The following SSH2 variants were observed in gnomAD, a reference collection of about 807,000 sequenced individuals.
The protein encoded by SSH2 is slingshot protein phosphatase 2.
In SSH2, 37 loss-of-function variants were observed where a neutral mutation model predicts 135.2. The ratio of observed to expected loss-of-function variants is 0.27; its 90% CI spans 0.21 to 0.36. The LOEUF (loss-of-function observed/expected upper bound fraction) is 0.36. Among genes scored for constraint, SSH2 ranks in the 10% least tolerant of loss-of-function variants. The pLI, the probability that SSH2 is intolerant of heterozygous loss-of-function variation, is 1.00. For missense variants in SSH2, 1,408 were observed against 1,765.3 expected (o/e 0.80, Z 3.63); for synonymous variants, 628 against 646.2 (o/e 0.97, Z 0.43).
At chr17:29,911,085 T>C (rs573182654) in intron 1 of SSH2, among the ~76,000 whole-genome samples, 27 of 152,330 alleles carry the variant, frequency 1.8e-4, no homozygotes, top group Admixed American at 8.5e-4. Flanking sequence ...AAATATCACA[T>C]GCTACACCTA....
intron 3 of SSH2, among the ~76,000 whole-genome samples, chr17:29,719,699 A>T (rs1465919854): frequency 2.0e-5 from 3 of 152,172 alleles, no homozygotes; most frequent in East Asian, 3.8e-4. Context: ...AACTTGCTTA[A>T]ACTTACCAAT....
At chr17:29,844,858 C>CCCTCCAGCCAAATTGG (rs1228325988) in intron 2 of SSH2, among the ~76,000 whole-genome samples, 1 of 152,190 alleles carries the variant, frequency 6.6e-6, no homozygotes, top group Non-Finnish European at 1.5e-5. Context: ...AGGCAGCCAG[C>CCCTCCAGCCAAATTGG]CCTCCAGCCA....
At chr17:29,773,056 TCCATCATCCAC>T (rs1266297805) in intron 3 of SSH2, among the ~76,000 whole-genome samples, 3 of 147,592 alleles carry the variant, frequency 2.0e-5, no homozygotes, top group African/African-American at 7.7e-5. Context: ...CATCCATCCA[TCCATCATCCAC>T]CCATCCATCC....
chr17:29,912,438 G>A (rs1396870382), intron 1 of SSH2, among the ~76,000 whole-genome samples: 1 of 152,132 alleles, frequency 6.6e-6, no homozygotes, highest in South Asian at 2.1e-4. Context: ...AAAAATCAGA[G>A]GATTTCAGAC....
At chr17:29,806,349 C>A (rs2042345153) in intron 2 of SSH2, among the ~76,000 whole-genome samples, 1 of 152,184 alleles carries the variant, frequency 6.6e-6, no homozygotes, top group Non-Finnish European at 1.5e-5. Flanking sequence ...GAGTACACAG[C>A]CAAGTCAGGA....
intron 1 of SSH2, among the ~76,000 whole-genome samples, chr17:29,899,813 C>G (rs1168348026): frequency 6.6e-6 from 1 of 152,108 alleles, no homozygotes; most frequent in African/African-American, 2.4e-5. Context: ...AAAAAGAGCC[C>G]ACATTGCCAA....
chr17:29,771,663 A>G (rs2041588414), intron 3 of SSH2, among the ~76,000 whole-genome samples: 1 of 152,178 alleles, frequency 6.6e-6, no homozygotes, highest in Admixed American at 6.5e-5. Flanking sequence ...GTAAGTAGGT[A>G]AGGGTTTTAT....
chr17:29,907,975 A>C (rs2066688508), intron 1 of SSH2, among the ~76,000 whole-genome samples: 1 of 151,820 alleles, frequency 6.6e-6, no homozygotes, highest in Non-Finnish European at 1.5e-5. Context: ...CATGTGCCAC[A>C]ACCCTGGCTG....
intron 3 of SSH2, among the ~76,000 whole-genome samples, chr17:29,715,803 C>T (rs1820154720): frequency 6.6e-6 from 1 of 152,068 alleles, no homozygotes; most frequent in African/African-American, 2.4e-5. Context: ...CTCTGGATGC[C>T]ACAGCACATT....
chr17:29,777,810 A>AC (rs1567967851), intron 3 of SSH2: 1 of 152,556 alleles, frequency 6.6e-6, no homozygotes, highest in South Asian at 2.0e-4. Flanking sequence ...AAAAAAAAAA[A>AC]AAAAACCTGA....
rs780981175 is a variant in SSH2, at chr17:29,709,015, T to TATATATATAGAGAG, written c.189-5954_189-5953insCTCTCTATATATAT. Among the ~76,000 whole-genome samples, 367 of 81,570 alleles carry TATATATATAGAGAG rather than the reference T, an allele frequency of 4.5e-3. 3 individuals are homozygous for TATATATATAGAGAG. The highest frequency in any genetic ancestry group is 6.3e-3 in the Non-Finnish European group (257 of 40,688). The allele number at this position is 81,570 out of a possible 152,430, so 53.5% of individuals were successfully genotyped here. A position where few individuals can be genotyped will look rare whatever the true frequency, so the allele number is the denominator to read the frequency against. On this transcript the variant is annotated intron_variant, in intron 3 of 15. Transcript: ENST00000540801. Reference sequence around the variant, plus strand: ...AGAAATATATATATATATATATATATAGAGAGAGAGAGAGAGAGAGAGAGA... The same window carrying TATATATATAGAGAG: ...AGAAATATATATATATATATATATATATATATATAGAGAGAGAGAGAGAGAGAGAGAGAGAGAGA...
intron 3 of SSH2, among the ~76,000 whole-genome samples, chr17:29,742,866 C>T (rs2040616670): frequency 1.3e-5 from 2 of 152,060 alleles, no homozygotes; most frequent in African/African-American, 4.8e-5. Flanking sequence ...AATTCCGGAC[C>T]TCAAGTGATC....
chr17:29,790,058 T>C (rs944202207), intron 3 of SSH2, among the ~76,000 whole-genome samples: 1 of 152,176 alleles, frequency 6.6e-6, no homozygotes, highest in Admixed American at 6.5e-5. Flanking sequence ...TCAGAACTGA[T>C]GCTGGAATGT....
intron 2 of SSH2, among the ~76,000 whole-genome samples, chr17:29,844,603 T>A (rs1318243883): frequency 6.6e-6 from 1 of 152,216 alleles, no homozygotes; most frequent in Non-Finnish European, 1.5e-5. Flanking sequence ...AAGGTGAAAC[T>A]CCTGCAGCTA....
chr17:29,636,524 A>G lies in SSH2; in HGVS notation c.1706T>C (p.Ile569Thr). ...GTCATTTAAGTTTAATTCATCCTCA[A>G]TCTGTCCAGCATGAAATTCCCTAGA... ...FTSREFHAGQ[I>T]EDELNLNDIN... is the part of the protein sequence containing the mutation. Residue 569 changes from isoleucine (I) to threonine (T), a missense_variant, in exon 15 of 16, where the codon ATT (isoleucine) becomes ACT (threonine). Ile to Thr is a moderately conservative substitution (Grantham distance 89, BLOSUM62 -1). Coordinates refer to ENST00000540801, the MANE Select transcript of SSH2 (RefSeq NM_001282129.2). The G allele has an allele frequency of 6.2e-7, 1 of 1,614,182 alleles. No individual in the cohort carries two copies. The highest frequency in any genetic ancestry group is 8.5e-7 in the Non-Finnish European group (1 of 1,180,024).
At chr17:29,808,819 T>TTCTC (rs2042393415) in intron 2 of SSH2, among the ~76,000 whole-genome samples, 1 of 152,124 alleles carries the variant, frequency 6.6e-6, no homozygotes, top group African/African-American at 2.4e-5. Context: ...GAGCCTTCAG[T>TTCTC]TCTCATTAAC....
intron 3 of SSH2, among the ~76,000 whole-genome samples, chr17:29,755,708 C>T (rs2041092391): frequency 6.7e-6 from 1 of 150,188 alleles, no homozygotes; most frequent in African/African-American, 2.4e-5. Flanking sequence ...TTCGCCCAGG[C>T]TGGAGTGCAG....
chr17:29,770,806 A>T (rs1213690274), intron 3 of SSH2, among the ~76,000 whole-genome samples: 1 of 152,154 alleles, frequency 6.6e-6, no homozygotes, highest in East Asian at 1.9e-4. Context: ...AATTGTTCCC[A>T]TTCTGAGACC....
chr17:29,626,576 T>C lies in SSH2; in HGVS notation c.*4265A>G, dbSNP rs2035507351. 1 of 152,654 alleles carries C rather than the reference T, an allele frequency of 6.6e-6. No homozygotes were observed. The highest frequency in any genetic ancestry group is 1.5e-5 in the Non-Finnish European group (1 of 68,050). The allele number at this position is 152,654 out of a possible 1,614,324, so 9.5% of individuals were successfully genotyped here. ...ATCCTATCCTAGACCTCTGGGGCAC[T>C]GAGAAAATGAGGCTGGTTATCTTCT... On this transcript the variant is annotated 3_prime_UTR_variant, in exon 16 of 16. Transcript: ENST00000540801.
Sources: gnomAD v4.1 joint callset for allele counts (sites outside exome capture counted in the v4.1 genomes callset) on GRCh38, gnomAD v4.1.1 for gene constraint, MANE v1.5 for transcripts, NCBI Gene and HGNC (gene_info 2026-07-23, HGNC 2026-07-21) for gene names.